ATAD2B: variants seen among roughly 807,000 people sequenced by gnomAD.
ATAD2B encodes ATPase family AAA domain containing 2B.
Under a neutral mutation model 167.6 loss-of-function variants are expected in ATAD2B, and 40 were observed. That is an observed-to-expected ratio of 0.24 (90% CI 0.19 to 0.31). The LOEUF (loss-of-function observed/expected upper bound fraction) is 0.31, where lower values mean the gene tolerates loss of function less well. ATAD2B is among the 10% of genes least tolerant of loss of function. The probability of loss-of-function intolerance (pLI) is 1.00; values close to 1 mark genes in which losing one functional copy is unlikely to be tolerated. For missense variants in ATAD2B, 1,242 were observed against 1,757.2 expected (o/e 0.71, Z 5.24); for synonymous variants, 579 against 596.5 (o/e 0.97, Z 0.43).
In ATAD2B at chr2:23,754,753, T is replaced by A. The variant is rs761754715; in HGVS notation, c.4100A>T (p.Tyr1367Phe). ...DKEGASKVKK[Y>F]RKLILEQAKT... ...TGCCTGCTCTAAAATTAATTTACGG[T>A]ATTTCTTTACTTTAGAAGCACCTAT... The change falls in exon 26 of 28, where the codon TAC (tyrosine) becomes TTC (phenylalanine). Residue 1367 changes from tyrosine (Y) to phenylalanine (F), a missense_variant. Coordinates refer to ENST00000238789, the MANE Select transcript of ATAD2B (RefSeq NM_017552.4). 6.2e-7 allele frequency: 1 copy of A among 1,612,462 alleles called. No homozygotes were observed. Among genetic ancestry groups the A allele is most frequent in the East Asian group, 2.2e-5 (1 of 44,852 alleles).
intron 1 of ATAD2B, among the ~76,000 whole-genome samples, chr2:23,913,614 T>C (rs965915172): frequency 1.3e-4 from 19 of 144,220 alleles, no homozygotes; most frequent in African/African-American, 4.9e-4. Flanking sequence ...CACTCCAGGC[T>C]GGGCAACAGA....
intron 11 of ATAD2B, 117 bp downstream of exon 11, chr2:23,864,692 T>C (rs1276303729): frequency 2.0e-6 from 1 of 507,054 alleles, no homozygotes; most frequent in Non-Finnish European, 3.4e-6. Flanking sequence ...CTAACTGTCA[T>C]TGCTAGGACA....
chr2:23,695,586 G>C, the ATAD2B span: 1 of 1,444,700 alleles, frequency 6.9e-7, no homozygotes, highest in Non-Finnish European at 9.3e-7. The surrounding 1 kb of genome is among the most constrained non-coding windows in gnomAD (Gnocchi z 7.6). Flanking sequence ...GCTCTCTCTT[G>C]CTAGTCTAAG....
chr2:23,887,970 G>A lies in ATAD2B; in HGVS notation c.434C>T (p.Pro145Leu), dbSNP rs774687507. The A allele has an allele frequency of 4.4e-6, 7 of 1,593,958 alleles. No homozygotes were observed. In the African/African-American group the frequency reaches 9.5e-5, roughly 22 times the overall value. The change falls in exon 4 of 28, where the codon CCC (proline) becomes CTC (leucine). Residue 145 changes from proline to leucine, a missense_variant. Transcript: ENST00000238789. ...GHSGLSLRSH[P>L]LRGEKKGDGD... is the part of the protein sequence containing the mutation. Reference sequence around the variant, plus strand: ...ATCTCCCTTCTTTTCCCCTCGAAGGGGATGGCTTCGAAGGGCTACAAGAAG... The same window carrying A: ...ATCTCCCTTCTTTTCCCCTCGAAGGAGATGGCTTCGAAGGGCTACAAGAAG...
At chr2:23,724,934 T>G in the ATAD2B span, among the ~76,000 whole-genome samples, 1 of 149,532 alleles carries the variant, frequency 6.7e-6, no homozygotes, top group Non-Finnish European at 1.5e-5. Flanking sequence ...TCCCAGCTAC[T>G]TGGGAGGCTG....
chr2:23,679,928 A>C, the ATAD2B span, among the ~76,000 whole-genome samples: 2 of 152,030 alleles, frequency 1.3e-5, no homozygotes, highest in Non-Finnish European at 2.9e-5. Flanking sequence ...TGGAGTGGGG[A>C]CGTGTGTGGG....
intron 13 of ATAD2B, among the ~76,000 whole-genome samples, chr2:23,839,438 T>A (rs1690526407): frequency 6.6e-6 from 1 of 152,162 alleles, no homozygotes; most frequent in African/African-American, 2.4e-5. Context: ...AGATGAAGAC[T>A]TTATTATGAC....
intron 13 of ATAD2B, among the ~76,000 whole-genome samples, chr2:23,840,540 A>G (rs1206462669): frequency 6.6e-6 from 1 of 152,214 alleles, no homozygotes; most frequent in Non-Finnish European, 1.5e-5. Context: ...CTTAATTATG[A>G]ACATAAAATT....
the ATAD2B span, among the ~76,000 whole-genome samples, chr2:23,692,037 A>G: frequency 1.3e-5 from 2 of 152,172 alleles, no homozygotes; most frequent in Non-Finnish European, 2.9e-5. Context: ...GGTAATTCAG[A>G]TAACTACATG....
At chr2:23,783,598 G>A (rs1479928527) in intron 21 of ATAD2B, among the ~76,000 whole-genome samples, 1 of 151,996 alleles carries the variant, frequency 6.6e-6, no homozygotes, top group Non-Finnish European at 1.5e-5. Context: ...GAGATCTGCT[G>A]GATTTGTCCC....
the ATAD2B span, among the ~76,000 whole-genome samples, chr2:23,713,564 C>G: frequency 3.1e-4 from 47 of 152,246 alleles, no homozygotes; most frequent in South Asian, 9.8e-3. Context: ...CATTAGCATA[C>G]TCCCCATTCT....
the ATAD2B span, among the ~76,000 whole-genome samples, chr2:23,743,477 C>T: frequency 6.6e-6 from 1 of 151,044 alleles, no homozygotes; most frequent in Non-Finnish European, 1.5e-5. Context: ...GCAGGAGAAT[C>T]GCTCGAACCC....
intron 17 of ATAD2B, among the ~76,000 whole-genome samples, chr2:23,815,662 AAATT>A (rs1262757142): frequency 2.0e-5 from 3 of 152,238 alleles, no homozygotes; most frequent in Non-Finnish European, 2.9e-5. Flanking sequence ...AATAAACCAA[AAATT>A]AATTGTAATG....
chr2:23,784,789 C>A (rs1680570635), intron 21 of ATAD2B, among the ~76,000 whole-genome samples: 1 of 151,808 alleles, frequency 6.6e-6, no homozygotes, highest in Non-Finnish European at 1.5e-5. Context: ...GGGGGATGAC[C>A]CAGCAATATA....
At chr2:23,703,757 G>C in the ATAD2B span, 1 of 1,537,276 alleles carries the variant, frequency 6.5e-7, no homozygotes, top group Non-Finnish European at 8.7e-7. Flanking sequence ...CAATGGCTTC[G>C]TTTTCATCCT....
chr2:23,745,422 A>AAGGAAGAAAGGAAAGTGAAGGGAAGGG (rs1491261605), downstream of ATAD2B, among the ~76,000 whole-genome samples: 1 of 85,012 alleles, frequency 1.2e-5, no homozygotes, highest in Non-Finnish European at 2.4e-5. Context: ...GGAAGGAAGG[A>AAGGAAGAAAGGAAAGTGAAGGGAAGGG]AAGGGAAGGG....
At chr2:23,925,382 TTC>T (rs1704579956) in intron 1 of ATAD2B, among the ~76,000 whole-genome samples, 1 of 152,226 alleles carries the variant, frequency 6.6e-6, no homozygotes, top group Non-Finnish European at 1.5e-5. Context: ...CCTAGATCCA[TTC>T]TGTTAGTGTC....
intron 22 of ATAD2B, among the ~76,000 whole-genome samples, chr2:23,776,853 T>C (rs1010294799): frequency 5.9e-5 from 9 of 152,192 alleles, no homozygotes; most frequent in South Asian, 2.1e-4. Context: ...TCTCTAAAAA[T>C]TGATGACTTT....
At chr2:23,771,343 G>T (rs540274271) in intron 22 of ATAD2B, among the ~76,000 whole-genome samples, 1 of 152,356 alleles carries the variant, frequency 6.6e-6, no homozygotes, top group Admixed American at 6.5e-5. Flanking sequence ...GTTGATAGAA[G>T]TGGTAAGAGC....
Sources: allele counts gnomAD v4.1 joint callset (sites outside exome capture counted in the v4.1 genomes callset), GRCh38; gene constraint gnomAD v4.1.1; non-coding constraint Gnocchi (gnomAD v3.1); transcripts MANE v1.5; gene names NCBI Gene and HGNC (gene_info 2026-07-23, HGNC 2026-07-21).